The following RNF144A variants were observed in gnomAD, a reference collection of about 807,000 sequenced individuals.
RNF144A encodes the protein ring finger protein 144A, also known as E3 ubiquitin-protein ligase RNF144A.
RNF144A carries 11 observed loss-of-function variants against 38.7 expected under a neutral mutation model. The observed-to-expected ratio is 0.28, with a 90% confidence interval of 0.18 to 0.47. The LOEUF is 0.47. Ranked by LOEUF, RNF144A falls within the 20% of genes least tolerant of loss-of-function variation. RNF144A has a pLI of 0.99. For missense variants in RNF144A, 316 were observed against 377.2 expected (o/e 0.84, Z 1.34); for synonymous variants, 149 against 143.9 (o/e 1.04, Z -0.25).
At chr2:6,975,241 C>T (rs1027538992) in intron 2 of RNF144A, among the ~76,000 whole-genome samples, 7 of 152,134 alleles carry the variant, frequency 4.6e-5, no homozygotes, top group Admixed American at 1.3e-4. Context: ...GGGAAATTCC[C>T]GTTTGTAAAA....
rs1671027597 is a variant in RNF144A at position 7,014,700 on chromosome 2, T to TC, written c.241-12_241-11insC. 2.5e-6 allele frequency: 4 copies of TC among 1,610,636 alleles called. No homozygotes were observed. Among genetic ancestry groups the TC allele is most frequent in the Non-Finnish European group, 3.4e-6 (4 of 1,177,480 alleles). ...TTGTTATCATTCCTGTTTGCATTTTTTTTTCCCTTAGATTGAGTGCATGGT... is the reference window on the plus strand; with the variant it reads ...TTGTTATCATTCCTGTTTGCATTTTTCTTTTCCCTTAGATTGAGTGCATGGT... On this transcript the variant is annotated splice_polypyrimidine_tract_variant and intron_variant, in intron 4 of 8. Transcript: ENST00000320892.
At chr2:6,959,512 C>T (rs1667206311) in intron 2 of RNF144A, among the ~76,000 whole-genome samples, 1 of 152,128 alleles carries the variant, frequency 6.6e-6, no homozygotes, top group Non-Finnish European at 1.5e-5. Context: ...AAGTTTATTT[C>T]TCACAGTCCT....
chr2:7,075,267 T>A, the RNF144A span, among the ~76,000 whole-genome samples: 163 of 150,960 alleles, frequency 1.1e-3, 2 homozygotes, highest in Admixed American at 1.7e-3. Context: ...TCAGCTGGGC[T>A]ATCAGCTGGA....
At chr2:7,059,441 C>A (rs902948110) in intron 6 of RNF144A, among the ~76,000 whole-genome samples, 4 of 152,158 alleles carry the variant, frequency 2.6e-5, no homozygotes, top group African/African-American at 9.7e-5. Context: ...CTGTGCCATG[C>A]CCCGTGTTCC....
rs1673192686 is a variant in RNF144A at position 7,043,861 on chromosome 2, A to G, written c.*4101A>G. The stretch of plus-strand genomic sequence containing the variant: ...TACTATGGGTGTATTTTAATCTTGT[A>G]TAAAAATATGCATGAATGAGTCATG... On this transcript the variant is annotated 3_prime_UTR_variant, in exon 9 of 9. Transcript: ENST00000320892. 1.0e-6 allele frequency: 1 copy of G among 985,844 alleles called. No homozygotes were observed. Among genetic ancestry groups the G allele is most frequent in the Non-Finnish European group, 1.2e-6 (1 of 829,934 alleles). The allele number at this position is 985,844 out of a possible 1,614,324, so 61.1% of individuals were successfully genotyped here.
At chr2:6,957,980 A>T (rs1667115388) in intron 2 of RNF144A, among the ~76,000 whole-genome samples, 1 of 152,142 alleles carries the variant, frequency 6.6e-6, no homozygotes, top group South Asian at 2.1e-4. Context: ...AGACTGCCTA[A>T]TCTTGGATTT....
chr2:6,932,093 T>A (rs1450239476), intron 1 of RNF144A, among the ~76,000 whole-genome samples: 1 of 152,226 alleles, frequency 6.6e-6, no homozygotes, highest in African/African-American at 2.4e-5. Flanking sequence ...ATTTTGATGC[T>A]CTGTTGTAGG....
chr2:6,991,755 C>T (rs953105870), intron 2 of RNF144A, among the ~76,000 whole-genome samples: 10 of 152,140 alleles, frequency 6.6e-5, no homozygotes, highest in African/African-American at 1.9e-4. Flanking sequence ...TTAACAGTCT[C>T]TCTCTCTCAT....
chr2:6,968,360 G>A (rs1667799477), intron 2 of RNF144A, among the ~76,000 whole-genome samples: 1 of 152,250 alleles, frequency 6.6e-6, no homozygotes, highest in South Asian at 2.1e-4. Flanking sequence ...TGAAGGAGGG[G>A]AACAGTGAAC....
chr2:7,022,702 C>G (rs1052920971), intron 6 of RNF144A, among the ~76,000 whole-genome samples: 3 of 152,174 alleles, frequency 2.0e-5, no homozygotes, highest in Non-Finnish European at 4.4e-5. Flanking sequence ...TCACCAGATC[C>G]GGTGTCTCAT....
chr2:6,951,275 A>T (rs1428778568), intron 2 of RNF144A, among the ~76,000 whole-genome samples: 1 of 77,722 alleles, frequency 1.3e-5, no homozygotes, highest in African/African-American at 3.3e-5. Context: ...CCATGTATTC[A>T]TGTTTTTTTT....
chr2:6,923,795 C>CT (rs145998969), intron 1 of RNF144A, among the ~76,000 whole-genome samples: 2,604 of 146,968 alleles, frequency 0.018, 73 homozygotes, highest in African/African-American at 0.052. Context: ...TCCATAGCAA[C>CT]TTTATTTTTT....
intron 6 of RNF144A, among the ~76,000 whole-genome samples, chr2:7,053,391 T>C (rs1673602713): frequency 6.6e-6 from 1 of 152,234 alleles, no homozygotes; most frequent in Non-Finnish European, 1.5e-5. Context: ...TTTCCATGGG[T>C]CTGAGTTCTC....
At chr2:7,039,516 T>TTGGG in intron 8 of RNF144A, 113 bp from the exon 9 acceptor site, 2 of 1,512,068 alleles carry the variant, frequency 1.3e-6, no homozygotes, top group South Asian at 1.3e-5. Flanking sequence ...AGATGGATGG[T>TTGGG]TGGGTGGATG....
chr2:7,041,812 G>A lies in RNF144A; in HGVS notation c.*2052G>A, dbSNP rs1038975059. On this transcript the variant is annotated 3_prime_UTR_variant, in exon 9 of 9. Coordinates refer to ENST00000320892, the MANE Select transcript of RNF144A (RefSeq NM_014746.6). ...CATGAGCCCACACAGTAGCACCCCC[G>A]TCCTTAGGATGAGAGTCAGAGCCTT... The A allele has an allele frequency of 1.4e-5, 14 of 985,428 alleles. No homozygotes were observed. The highest frequency in any genetic ancestry group is 5.2e-4 in the Middle Eastern group (1 of 1,914). The allele number at this position is 985,428 out of a possible 1,614,324, so 61.0% of individuals were successfully genotyped here.
At chr2:7,061,558 C>T (rs886132618) in intron 6 of RNF144A, among the ~76,000 whole-genome samples, 1 of 152,132 alleles carries the variant, frequency 6.6e-6, no homozygotes. Flanking sequence ...CCGTGTCTAT[C>T]TGCACACATT....
Position 7,056,102 on chromosome 2 carries a change from G to A in RNF144A, c.735-12114G>A, listed in dbSNP as rs309282. The stretch of plus-strand genomic sequence containing the variant: ...CCATAAAACTGATTTTAGCATTAGA[G>A]TTAATGACTTTATTTCTCTGTGGTC... On this transcript the variant is annotated intron_variant, in intron 6 of 6. Coordinates refer to the RNF144A transcript ENST00000432850. Among the ~76,000 whole-genome samples the A allele has an allele frequency of 2.4e-4, 36 of 152,304 alleles. No individual in the cohort carries two copies. The East Asian group carries it at 7.0e-3, about 29-fold the overall frequency.
intron 8 of RNF144A, among the ~76,000 whole-genome samples, chr2:7,031,516 T>C (rs1291640370): frequency 2.6e-5 from 4 of 152,024 alleles, no homozygotes. Flanking sequence ...GCTGGGTGAG[T>C]GGGAAGCTGC....
intron 6 of RNF144A, among the ~76,000 whole-genome samples, chr2:7,062,436 T>C (rs1414878489): frequency 2.7e-5 from 4 of 150,444 alleles, no homozygotes; most frequent in Admixed American, 6.6e-5. Context: ...TTGCAAAGGT[T>C]ATGAATAACG....
Sources: allele counts gnomAD v4.1 joint callset (sites outside exome capture counted in the v4.1 genomes callset), GRCh38; gene constraint gnomAD v4.1.1; transcripts MANE v1.5; gene names NCBI Gene and HGNC (gene_info 2026-07-23, HGNC 2026-07-21).